The following ZNF717 variants were observed in gnomAD, a reference collection of about 807,000 sequenced individuals.
ZNF717 encodes the protein zinc finger protein 717.
A neutral mutation model predicts 13.8 loss-of-function variants in ZNF717; 9 were observed. That is an observed-to-expected ratio of 0.65 (90% CI 0.39 to 1.14). The LOEUF is 1.14. Among genes scored for constraint, ZNF717 ranks in the 50% most tolerant of loss-of-function variants. The pLI, the probability that ZNF717 is intolerant of heterozygous loss-of-function variation, is 0.01. For synonymous variants in ZNF717, 327 were observed against 364.1 expected (o/e 0.90, Z 1.16); for missense variants, 1,040 against 1,080.7 (o/e 0.96, Z 0.53).
intron 2 of ZNF717, among the ~76,000 whole-genome samples, chr3:75,771,665 G>T (rs1305817885): frequency 6.6e-6 from 1 of 152,248 alleles, no homozygotes; most frequent in Non-Finnish European, 1.5e-5. Flanking sequence ...GTGGGGAGGA[G>T]TGGCTGGGGC....
intron 2 of ZNF717, among the ~76,000 whole-genome samples, chr3:75,755,816 CAA>C (rs1408020235): frequency 6.6e-6 from 1 of 152,186 alleles, no homozygotes; most frequent in African/African-American, 2.4e-5. Context: ...GAGTGGTAGA[CAA>C]GAGAATGAAG....
intron 2 of ZNF717, among the ~76,000 whole-genome samples, chr3:75,768,770 TGA>T (rs1031235225): frequency 1.3e-5 from 2 of 150,446 alleles, no homozygotes; most frequent in South Asian, 2.1e-4. Context: ...TCACTGTGGC[TGA>T]GTGTGTGGGG....
intron 2 of ZNF717, 38 bp from the exon 3 acceptor site, chr3:75,741,774 A>T (rs1315139503): frequency 6.4e-7 from 1 of 1,563,506 alleles, no homozygotes; most frequent in African/African-American, 1.4e-5. Flanking sequence ...CTCCAGCATC[A>T]CGTTCCTGTA....
intron 2 of ZNF717, among the ~76,000 whole-genome samples, chr3:75,749,311 T>TA (rs1385804674): frequency 6.7e-6 from 1 of 148,366 alleles, no homozygotes; most frequent in Non-Finnish European, 1.5e-5. Flanking sequence ...CTTTGACCCT[T>TA]ACATAGAATT....
chr3:75,738,516 A>G lies in ZNF717; in HGVS notation c.1107T>C (p.Cys369=). ...AGTGAAAAGTTTTTCCACATTCAAT[A>G]CATTTGTAGGGTTTATCCCCTGTGT... ...RTHTGDKPYK[C]IECGKTFHCK... The change falls in exon 5 of 5, where the codon TGT becomes TGC. Residue 369 remains cysteine, a synonymous_variant. Transcript: ENST00000652011. The G allele has an allele frequency of 4.5e-6, 7 of 1,541,238 alleles. No individual in the cohort carries two copies. Among genetic ancestry groups the G allele is most frequent in the Non-Finnish European group, 5.3e-6 (6 of 1,139,610 alleles).
exon 6 of ZNF717, chr3:75,730,433 A>C (rs1205065438): frequency 2.1e-5 from 10 of 480,014 alleles, no homozygotes; most frequent in African/African-American, 1.8e-4. Context: ...TTTCCAGGCT[A>C]TCTGCCATGA....
At chr3:75,773,003 T>C (rs549683767) in intron 2 of ZNF717, among the ~76,000 whole-genome samples, 1 of 152,336 alleles carries the variant, frequency 6.6e-6, no homozygotes, top group Non-Finnish European at 1.5e-5. Flanking sequence ...CGGGACTGGG[T>C]CCAGGATCAG....
At chr3:75,703,198 C>T (rs1937732947) in intron 6 of ZNF717, among the ~76,000 whole-genome samples, 1 of 152,308 alleles carries the variant, frequency 6.6e-6, no homozygotes, top group Non-Finnish European at 1.5e-5. Flanking sequence ...TGAATTTGCT[C>T]AGCTCCCTGC....
intron 2 of ZNF717, among the ~76,000 whole-genome samples, chr3:75,774,290 T>C (rs1481038125): frequency 5.9e-5 from 9 of 152,078 alleles, no homozygotes; most frequent in Non-Finnish European, 1.3e-4. Flanking sequence ...ATTTTTTAAG[T>C]CATGATTTTA....
intron 6 of ZNF717, among the ~76,000 whole-genome samples, chr3:75,702,131 G>T (rs1898698): frequency 6.6e-6 from 1 of 151,864 alleles, no homozygotes; most frequent in African/African-American, 2.4e-5. Flanking sequence ...ATGCCTAAAA[G>T]AAATAAAATT....
intron 6 of ZNF717, among the ~76,000 whole-genome samples, chr3:75,694,771 CCA>C (rs142553859): frequency 6.6e-6 from 1 of 152,170 alleles, no homozygotes; most frequent in Non-Finnish European, 1.5e-5. Context: ...GTTAAATTGT[CCA>C]CAGTCTAAAA....
chr3:75,749,900 A>C (rs753371659), intron 2 of ZNF717, among the ~76,000 whole-genome samples: 1 of 151,918 alleles, frequency 6.6e-6, no homozygotes, highest in Non-Finnish European at 1.5e-5. Context: ...AGGATTCCAG[A>C]ACACTGCTGT....
At chr3:75,701,091 C>T in intron 6 of ZNF717, among the ~76,000 whole-genome samples, 1 of 152,310 alleles carries the variant, frequency 6.6e-6, no homozygotes, top group Non-Finnish European at 1.5e-5. Context: ...GTGTCCCCAC[C>T]CAAATCTCAT....
intron 2 of ZNF717, chr3:75,741,963 G>A (rs1940521636): frequency 1.9e-6 from 1 of 538,654 alleles, no homozygotes; most frequent in Non-Finnish European, 3.3e-6. Context: ...GTGTCCATGT[G>A]TCTTATGTAT....
At chr3:75,760,070 C>G (rs552391267) in intron 2 of ZNF717, among the ~76,000 whole-genome samples, 1 of 152,132 alleles carries the variant, frequency 6.6e-6, no homozygotes, top group African/African-American at 2.4e-5. Context: ...ACTCTGTCAC[C>G]CAGGCTGGAG....
intron 2 of ZNF717, among the ~76,000 whole-genome samples, chr3:75,780,278 A>T (rs1428301713): frequency 1.3e-5 from 2 of 152,138 alleles, no homozygotes; most frequent in East Asian, 3.8e-4. Context: ...CACGTGCTAA[A>T]ACTGGAACCC....
At chr3:75,749,476 G>A (rs201073295) in intron 2 of ZNF717, among the ~76,000 whole-genome samples, 1 of 151,286 alleles carries the variant, frequency 6.6e-6, no homozygotes, top group Non-Finnish European at 1.5e-5. Context: ...CCGGAACACC[G>A]CTGCTGGGTT....
intron 5 of ZNF717, among the ~76,000 whole-genome samples, chr3:75,714,273 T>C (rs1171687523): frequency 6.6e-6 from 1 of 151,924 alleles, no homozygotes; most frequent in Non-Finnish European, 1.5e-5. Flanking sequence ...GTGGGTGCTT[T>C]TCCTTGGCAC....
chr3:75,735,291 G>A (rs1273271624), downstream of ZNF717, among the ~76,000 whole-genome samples: 4 of 152,154 alleles, frequency 2.6e-5, no homozygotes, highest in Admixed American at 6.5e-5. Context: ...GGTGGACTTG[G>A]ATTTGTTGCA....
Sources: gnomAD v4.1 joint callset for allele counts (sites outside exome capture counted in the v4.1 genomes callset) on GRCh38, gnomAD v4.1.1 for gene constraint, MANE v1.5 for transcripts, NCBI Gene and HGNC (gene_info 2026-07-23, HGNC 2026-07-21) for gene names.